DOCK9: variants seen among roughly 807,000 people sequenced by gnomAD.
DOCK9 encodes the protein dedicator of cytokinesis 9.
In DOCK9, 89 loss-of-function variants were observed where a neutral mutation model predicts 263.3. The observed-to-expected ratio is 0.34, with a 90% CI of 0.28 to 0.40. The LOEUF is 0.40. DOCK9 is among the 10% of genes least tolerant of loss of function. The probability of loss-of-function intolerance (pLI) is 1.00; values close to 1 mark genes in which losing one functional copy is unlikely to be tolerated. For missense variants in DOCK9, 2,140 were observed against 2,603.4 expected, an observed-to-expected ratio of 0.82 and a Z score of 3.87; for synonymous variants, 976 against 973.1, an observed-to-expected ratio of 1.00 and a Z score of -0.06.
Position 98,829,121 on chromosome 13 carries a change from G to C in DOCK9, c.4965+186C>G, listed in dbSNP as rs976111394. Among the ~76,000 whole-genome samples the C allele has an allele frequency of 6.6e-6, 1 of 152,108 alleles. No homozygotes were observed. Among genetic ancestry groups the C allele is most frequent in the African/African-American group, 2.4e-5 (1 of 41,414 alleles). On this transcript the variant is annotated intron_variant, in intron 43 of 52. Coordinates refer to ENST00000682017, the MANE Select transcript of DOCK9 (RefSeq NM_001366683.2). This position sits in a 1 kb window ranked among gnomAD's most constrained non-coding sequence, Gnocchi z 4.1. ...TGACAAAAATAACCCCTTACAATTT[G>C]TTTTAAATTATTAAAATGCTCAGCT... is the stretch of plus-strand genomic sequence containing the variant.
chr13:98,966,744 C>A (rs2059236746), intron 1 of DOCK9, among the ~76,000 whole-genome samples: 1 of 152,220 alleles, frequency 6.6e-6, no homozygotes, highest in African/African-American at 2.4e-5. Flanking sequence ...TCTGCAGACT[C>A]CACTGCCAGG....
chr13:99,078,251 T>C (rs1020737525), intron 1 of DOCK9, among the ~76,000 whole-genome samples: 2 of 151,862 alleles, frequency 1.3e-5, no homozygotes, highest in African/African-American at 4.8e-5. Flanking sequence ...ACTGTGGAAA[T>C]TGCAAAGAGG....
rs1170849016 is a variant in DOCK9, at chr13:98,860,466, C to G, written c.3636G>C (p.Gln1212His). 1 of 1,591,354 alleles carries G rather than the reference C, an allele frequency of 6.3e-7. No individual in the cohort carries two copies. The highest frequency in any genetic ancestry group is 1.7e-4 in the Middle Eastern group (1 of 6,034). Residue 1212 changes from glutamine to histidine, a missense_variant, in exon 33 of 53, where the codon CAG (glutamine) becomes CAC (histidine). Gln to His is a conservative substitution (Grantham distance 24). Coordinates refer to ENST00000682017, the MANE Select transcript of DOCK9 (RefSeq NM_001366683.2). ...LPAVNPLVTP[Q>H]KGSTLDNSLH... ...GGCTGTTGTCCAGGGTGCTTCCCTT[C>G]TGCGGCGTCACCAGCGGATTCACAG...
At chr13:99,086,416 A>G (rs2042344638) in exon 1 of DOCK9, 6 of 944,878 alleles carry the variant, frequency 6.4e-6, no homozygotes, top group Non-Finnish European at 7.5e-6. Flanking sequence ...CGCGGCCGCC[A>G]GGTGCGCCCT....
At chr13:98,935,121 G>A (rs2054607266) in intron 2 of DOCK9, among the ~76,000 whole-genome samples, 1 of 152,112 alleles carries the variant, frequency 6.6e-6, no homozygotes, top group Non-Finnish European at 1.5e-5. Context: ...TCAAGAAAAG[G>A]TACACTGAGG....
At chr13:99,037,911 A>G (rs1223436458) in intron 1 of DOCK9, among the ~76,000 whole-genome samples, 1 of 152,218 alleles carries the variant, frequency 6.6e-6, no homozygotes, top group Non-Finnish European at 1.5e-5. Context: ...AACACAAAAC[A>G]GATCTGTGTT....
chr13:98,970,147 A>ACCG (rs397696346), intron 1 of DOCK9, among the ~76,000 whole-genome samples: 2 of 150,796 alleles, frequency 1.3e-5, no homozygotes, highest in African/African-American at 2.4e-5. Context: ...GGTCTGCCCC[A>ACCG]AGCTGGGTTA....
intron 27 of DOCK9, among the ~76,000 whole-genome samples, chr13:98,874,669 A>T (rs1218207119): frequency 6.6e-6 from 1 of 152,212 alleles, no homozygotes; most frequent in Admixed American, 6.5e-5. Context: ...GCAGTTAGAG[A>T]GCTAAACAAA....
intron 1 of DOCK9, among the ~76,000 whole-genome samples, chr13:99,036,781 G>A (rs555394715): frequency 1.4e-4 from 22 of 152,204 alleles, no homozygotes; most frequent in African/African-American, 4.6e-4. Context: ...CTCGTGATCC[G>A]CCCACCTCGG....
chr13:98,809,283 TTTTTTGTTTTTG>T (rs757772126), intron 47 of DOCK9, 57 bp downstream of exon 47: 4 of 534,634 alleles, frequency 7.5e-6, no homozygotes, highest in African/African-American at 5.5e-5. Flanking sequence ...TTATAGTTTT[TTTTTTGTTTTTG>T]TTTTTGTTTT....
At chr13:98,960,026 C>T (rs1042426586) in intron 1 of DOCK9, among the ~76,000 whole-genome samples, 3 of 152,108 alleles carry the variant, frequency 2.0e-5, no homozygotes, top group African/African-American at 4.8e-5. Flanking sequence ...AAGAACATCA[C>T]GCTAACAGCA....
intron 45 of DOCK9, among the ~76,000 whole-genome samples, chr13:98,822,038 A>C (rs750812740): frequency 2.0e-5 from 3 of 152,128 alleles, no homozygotes; most frequent in Non-Finnish European, 4.4e-5. Context: ...TGTCTTTTAG[A>C]ACATGTTAGT....
chr13:98,902,339 T>A lies in DOCK9; in HGVS notation c.1329A>T (p.Pro443=). 1 of 1,614,026 alleles carries A rather than the reference T, an allele frequency of 6.2e-7. No homozygotes were observed. The highest frequency in any genetic ancestry group is 1.1e-5 in the South Asian group (1 of 91,082). ...CATGAAGGATGCCCTTGAGGACAGA[T>A]GGGCTCTGCCCACTGCCATTCATCA... ...PALMNGSGQS[P]SVLKGILHEA... The change falls in exon 12 of 53, where the codon CCA becomes CCT. Residue 443 remains proline (P), a synonymous_variant. Coordinates refer to ENST00000682017, the MANE Select transcript of DOCK9 (RefSeq NM_001366683.2).
In DOCK9 at chr13:98,897,581, A is replaced by C. The variant is rs780487680; in HGVS notation, c.1616T>G (p.Leu539Arg). The C allele has an allele frequency of 6.2e-7, 1 of 1,614,020 alleles. No homozygotes were observed. Among genetic ancestry groups the C allele is most frequent in the Non-Finnish European group, 8.5e-7 (1 of 1,179,870 alleles). The change falls in exon 15 of 53, where the codon CTT (leucine) becomes CGT (arginine). Residue 539 changes from leucine to arginine, a missense_variant. By Grantham distance (102) the Leu-to-Arg change is moderately radical. Coordinates refer to ENST00000682017, the MANE Select transcript of DOCK9 (RefSeq NM_001366683.2). ...GGCAGAAAATCTGGCATTTTTGTCA[A>C]GATTTCCAGATGCATCCTTAAACAA... The part of the protein sequence containing the change: ...RTLFKDASGN[L>R]DKNARFSAIY...
At chr13:98,848,720 A>T in intron 36 of DOCK9, 81 bp from the exon 37 acceptor site, 1 of 1,363,754 alleles carries the variant, frequency 7.3e-7, no homozygotes, top group Non-Finnish European at 1.0e-6. Context: ...TAACAATAAC[A>T]AATTCAATAA....
At position 98,837,558 on chromosome 13, in the gene DOCK9, T is replaced by C. The variant is rs779809532; in HGVS notation, c.4250A>G (p.Asn1417Ser). The C allele has an allele frequency of 6.8e-6, 11 of 1,613,328 alleles. 1 individual carries two copies. Among genetic ancestry groups the C allele is most frequent in the South Asian group, 6.6e-5 (6 of 91,050 alleles). The change falls in exon 39 of 53, where the codon AAC (asparagine) becomes AGC (serine). Residue 1417 changes from asparagine (N) to serine (S), a missense_variant. This residue lies in a region of DOCK9 where 1,521 missense variants were observed against 1,741.7 expected (regional missense o/e 0.87). Transcript: ENST00000682017. Reference protein sequence around the residue: ...DVLHQSLLEANIATEVCLTAL... With the variant: ...DVLHQSLLEASIATEVCLTAL... ...TGTCAGGCAAACCTCAGTAGCAATGTTGGCTTCAAGTAATGACTGGTGCAG... is the reference window on the plus strand; with the variant it reads ...TGTCAGGCAAACCTCAGTAGCAATGCTGGCTTCAAGTAATGACTGGTGCAG...
chr13:98,962,118 A>T (rs539695344), intron 1 of DOCK9, among the ~76,000 whole-genome samples: 1 of 152,352 alleles, frequency 6.6e-6, no homozygotes, highest in East Asian at 1.9e-4. Flanking sequence ...GCCAAGGGAA[A>T]CACTGATCTG....
At chr13:98,860,197 G>A in intron 33 of DOCK9, 1 of 1,420,208 alleles carries the variant, frequency 7.0e-7, no homozygotes, top group Non-Finnish European at 9.2e-7. Context: ...GTATGATCCT[G>A]AGGAGTCACA....
At chr13:98,930,397 C>T in intron 2 of DOCK9, 140 bp from the exon 3 acceptor site, 2 of 695,924 alleles carry the variant, frequency 2.9e-6, no homozygotes, top group Non-Finnish European at 5.1e-6. Flanking sequence ...CAGCTGCCTC[C>T]TTCCGTCACA....
Sources: gnomAD v4.1 joint callset for allele counts (sites outside exome capture counted in the v4.1 genomes callset) on GRCh38, gnomAD v4.1.1 for gene constraint, gnomAD v4.1.1 regional missense constraint, Gnocchi (gnomAD v3.1) non-coding constraint, MANE v1.5 for transcripts, NCBI Gene and HGNC (gene_info 2026-07-23, HGNC 2026-07-21) for gene names.